PDE4D: variants seen among roughly 807,000 people sequenced by gnomAD.
PDE4D encodes phosphodiesterase 4D.
In PDE4D, 24 loss-of-function variants were observed where a neutral mutation model predicts 87.4. That is an observed-to-expected ratio of 0.27 (90% CI 0.20 to 0.39). The LOEUF (loss-of-function observed/expected upper bound fraction) is 0.39, where lower values mean the gene tolerates loss of function less well. Among genes scored for constraint, PDE4D ranks in the 10% least tolerant of loss-of-function variants. The pLI is 1.00. For synonymous variants in PDE4D, 384 were observed against 383.2 expected (o/e 1.00, Z -0.02); for missense variants, 714 against 1,041.0 (o/e 0.69, Z 4.32).
At chr5:59,122,642 A>T (rs1774747661) in intron 5 of PDE4D, among the ~76,000 whole-genome samples, 1 of 152,256 alleles carries the variant, frequency 6.6e-6, no homozygotes, top group South Asian at 2.1e-4. Context: ...CATGAACCCC[A>T]TAAATATATA....
At chr5:59,362,116 T>C (rs1017904151) in intron 1 of PDE4D, among the ~76,000 whole-genome samples, 1 of 152,128 alleles carries the variant, frequency 6.6e-6, no homozygotes, top group Non-Finnish European at 1.5e-5. Context: ...TTGAGAGCCA[T>C]TGCAAAGAGT....
At chr5:59,944,873 T>G (rs1421397261) in intron 3 of PDE4D, among the ~76,000 whole-genome samples, 1 of 152,182 alleles carries the variant, frequency 6.6e-6, no homozygotes, top group Non-Finnish European at 1.5e-5. Context: ...TCCCTCCATC[T>G]TAATCTTCTT....
intron 1 of PDE4D, among the ~76,000 whole-genome samples, chr5:60,279,806 T>G (rs35813355): frequency 2.0e-5 from 3 of 151,568 alleles, no homozygotes; most frequent in African/African-American, 2.4e-5. Context: ...CTCAGCCTCC[T>G]GAGTAGCTGG....
At chr5:60,233,003 C>A (rs982171460) in intron 1 of PDE4D, among the ~76,000 whole-genome samples, 6 of 151,386 alleles carry the variant, frequency 4.0e-5, no homozygotes, top group African/African-American at 1.5e-4. Flanking sequence ...TTAAATAATC[C>A]CAATTATCCC....
At chr5:59,990,003 T>C (rs1762844934) in intron 2 of PDE4D, among the ~76,000 whole-genome samples, 1 of 152,186 alleles carries the variant, frequency 6.6e-6, no homozygotes, top group African/African-American at 2.4e-5. Context: ...ATTACTTGCA[T>C]TGGGATTAGC....
intron 1 of PDE4D, among the ~76,000 whole-genome samples, chr5:59,744,772 T>C (rs1284996367): frequency 6.6e-6 from 1 of 152,140 alleles, no homozygotes; most frequent in Non-Finnish European, 1.5e-5. Context: ...TAGCATTGGG[T>C]CATAATAATA....
At chr5:59,151,731 G>T (rs1455871567) in intron 5 of PDE4D, among the ~76,000 whole-genome samples, 1 of 152,158 alleles carries the variant, frequency 6.6e-6, no homozygotes, top group Non-Finnish European at 1.5e-5. Flanking sequence ...AAGCAGAAGT[G>T]AGGAATCACA....
chr5:60,093,671 G>C (rs1279685589), intron 2 of PDE4D, among the ~76,000 whole-genome samples: 4 of 152,000 alleles, frequency 2.6e-5, no homozygotes, highest in Admixed American at 2.6e-4. Context: ...ACTTTACAAG[G>C]CTTATGCCAT....
At chr5:59,262,909 G>A (rs1762268478) in intron 1 of PDE4D, among the ~76,000 whole-genome samples, 1 of 151,874 alleles carries the variant, frequency 6.6e-6, no homozygotes, top group African/African-American at 2.4e-5. Flanking sequence ...AGAAAATATA[G>A]AGGAAAACTT....
intron 6 of PDE4D, among the ~76,000 whole-genome samples, chr5:59,001,622 C>T (rs574643143): frequency 1.3e-5 from 2 of 152,132 alleles, no homozygotes; most frequent in Non-Finnish European, 2.9e-5. Flanking sequence ...TCCTACTACT[C>T]TCCCTCAACT....
chr5:60,259,948 C>T (rs549051781), intron 1 of PDE4D, among the ~76,000 whole-genome samples: 18 of 150,924 alleles, frequency 1.2e-4, no homozygotes, highest in South Asian at 6.3e-4. Context: ...GGCACTAAAG[C>T]ATTAAAAAGA....
At chr5:60,473,154 A>C (rs1747973010) in intron 1 of PDE4D, among the ~76,000 whole-genome samples, 1 of 145,826 alleles carries the variant, frequency 6.9e-6, no homozygotes, top group African/African-American at 2.6e-5. Flanking sequence ...GAAGGAAGGA[A>C]GGAAGGAAGG....
intron 1 of PDE4D, among the ~76,000 whole-genome samples, chr5:59,313,812 T>G (rs189279514): frequency 6.6e-6 from 1 of 152,214 alleles, no homozygotes; most frequent in East Asian, 1.9e-4. Context: ...CTACAAAATC[T>G]CAACTAATCC....
intron 1 of PDE4D, among the ~76,000 whole-genome samples, chr5:60,313,933 A>G (rs1247357427): frequency 1.3e-5 from 2 of 152,138 alleles, no homozygotes; most frequent in East Asian, 1.9e-4. Context: ...GCATTAAAGG[A>G]ACAAACTTCA....
chr5:60,280,794 C>G (rs1468726654), intron 1 of PDE4D, among the ~76,000 whole-genome samples: 1 of 152,140 alleles, frequency 6.6e-6, no homozygotes, highest in African/African-American at 2.4e-5. Flanking sequence ...CAGGGCCAGG[C>G]TCACATTAAG....
At chr5:59,126,141 G>C (rs1244368292) in intron 5 of PDE4D, among the ~76,000 whole-genome samples, 2 of 142,532 alleles carry the variant, frequency 1.4e-5, no homozygotes, top group East Asian at 2.0e-4. Flanking sequence ...AAGCAAGGAA[G>C]AAAGGAAAAA....
chr5:59,483,528 A>AT (rs1413846896), intron 1 of PDE4D, among the ~76,000 whole-genome samples: 3 of 151,966 alleles, frequency 2.0e-5, no homozygotes, highest in African/African-American at 7.3e-5. Flanking sequence ...TTACAATTTT[A>AT]TTTTTTAGGG....
chr5:59,253,522 G>T (rs1479214298), intron 1 of PDE4D, among the ~76,000 whole-genome samples: 1 of 152,022 alleles, frequency 6.6e-6, no homozygotes, highest in Non-Finnish European at 1.5e-5. Flanking sequence ...TCATTATCAC[G>T]ATGGGATATA....
chr5:59,838,509 A>G (rs1742491996), intron 1 of PDE4D, among the ~76,000 whole-genome samples: 1 of 152,056 alleles, frequency 6.6e-6, no homozygotes, highest in African/African-American at 2.4e-5. Flanking sequence ...CCAAGGAGGG[A>G]GGCCTACTTC....
Sources: allele counts gnomAD v4.1 joint callset (sites outside exome capture counted in the v4.1 genomes callset), GRCh38; gene constraint gnomAD v4.1.1; transcripts MANE v1.5; gene names NCBI Gene and HGNC (gene_info 2026-07-23, HGNC 2026-07-21).